The following ADARB2 variants were observed in gnomAD, a reference collection of about 807,000 sequenced individuals.
ADARB2 encodes the protein inactive double-stranded RNA-specific editase B2.
A neutral mutation model predicts 62.2 loss-of-function variants in ADARB2; 25 were observed. The ratio of observed to expected loss-of-function variants is 0.40; its 90% CI spans 0.29 to 0.56. ADARB2 has a LOEUF of 0.56. Ranked by LOEUF, ADARB2 falls within the 20% of genes least tolerant of loss-of-function variation. ADARB2 has a pLI of 0.43. For missense variants in ADARB2, 1,071 were observed against 1,077.4 expected, an observed-to-expected ratio of 0.99 and a Z score of 0.08; for synonymous variants, 572 against 500.8, an observed-to-expected ratio of 1.14 and a Z score of -1.90.
At chr10:1,203,281 T>G (rs1837010783) in intron 7 of ADARB2, among the ~76,000 whole-genome samples, 1 of 152,180 alleles carries the variant, frequency 6.6e-6, no homozygotes. Flanking sequence ...AGCCAGGAGA[T>G]GCAACCTGCT....
intron 1 of ADARB2, among the ~76,000 whole-genome samples, chr10:1,484,345 G>A (rs186216889): frequency 1.1e-3 from 160 of 152,296 alleles, no homozygotes; most frequent in African/African-American, 3.6e-3. Context: ...AAACACTCGC[G>A]TGTGAGAAAC....
chr10:1,210,333 T>C (rs909073356), intron 7 of ADARB2, among the ~76,000 whole-genome samples: 1 of 152,252 alleles, frequency 6.6e-6, no homozygotes, highest in South Asian at 2.1e-4. Context: ...ATTAATCTCA[T>C]GGCTGCTCAA....
At chr10:1,326,099 A>G (rs565762795) in intron 3 of ADARB2, among the ~76,000 whole-genome samples, 4 of 152,224 alleles carry the variant, frequency 2.6e-5, no homozygotes, top group Non-Finnish European at 5.9e-5. Flanking sequence ...AACTGAATGC[A>G]AGTGAATTTG....
rs1830984418 is a variant in ADARB2, at chr10:1,246,136, C to T, written c.1193-3837G>A. On this transcript the variant is annotated intron_variant, in intron 4 of 9. Transcript: ENST00000381312. ...TGTCTTTTGGCTGCATAAATGTCTT[C>T]TTTTGAGAAGTGTCTGTTCATATCC... Among the ~76,000 whole-genome samples the T allele has an allele frequency of 2.6e-5, 4 of 151,932 alleles. 1 individual carries two copies. Among genetic ancestry groups the T allele is most frequent in the Admixed American group, 2.6e-4 (4 of 15,250 alleles).
intron 3 of ADARB2, among the ~76,000 whole-genome samples, chr10:1,337,082 G>GTGTGTGTGTGTA (rs145164849): frequency 0.076 from 11,570 of 151,454 alleles, 677 homozygotes; most frequent in East Asian, 0.18. Flanking sequence ...GTGTGTGTGT[G>GTGTGTGTGTGTA]TGTGTGTGTG....
chr10:1,399,653 C>T (rs1201208261), intron 1 of ADARB2, among the ~76,000 whole-genome samples: 2 of 152,162 alleles, frequency 1.3e-5, no homozygotes, highest in African/African-American at 4.8e-5. Context: ...TGATCACGCC[C>T]TGAGACGCAT....
intron 1 of ADARB2, among the ~76,000 whole-genome samples, chr10:1,725,437 G>C (rs1835151300): frequency 6.6e-6 from 1 of 152,202 alleles, no homozygotes; most frequent in Non-Finnish European, 1.5e-5. Context: ...CACCGCTTCA[G>C]AGTCACATGA....
Position 1,180,955 on chromosome 10 carries a change from A to G in ADARB2, c.*2238T>C, listed in dbSNP as rs556156713. 2 of 151,976 alleles carry G rather than the reference A, an allele frequency of 1.3e-5. No homozygotes were observed. Among genetic ancestry groups the G allele is most frequent in the South Asian group, 2.1e-4 (1 of 4,808 alleles). 9.4% of individuals were successfully genotyped at this position (151,976 alleles called of 1,614,324 possible). A position where few individuals can be genotyped will look rare whatever the true frequency, so the allele number is the denominator to read the frequency against. On this transcript the variant is annotated 3_prime_UTR_variant, in exon 10 of 10. Coordinates refer to ENST00000381312, the MANE Select transcript of ADARB2 (RefSeq NM_018702.4). ...AATGCCTGAGACAAAACGAATCCCA[A>G]CCCCCCAGCTGTGGCTTCATGATGC...
At chr10:1,522,851 G>A (rs1210607314) in intron 1 of ADARB2, among the ~76,000 whole-genome samples, 1 of 152,128 alleles carries the variant, frequency 6.6e-6, no homozygotes, top group East Asian at 1.9e-4. Context: ...CTTCATGCTG[G>A]GCTCCAAGCT....
chr10:1,665,975 G>A (rs763521723), intron 1 of ADARB2, among the ~76,000 whole-genome samples: 4 of 152,098 alleles, frequency 2.6e-5, no homozygotes, highest in Non-Finnish European at 5.9e-5. Flanking sequence ...CCGACATTCA[G>A]GGACCCACAG....
rs1379896189 is a variant in ADARB2 at position 1,426,809 on chromosome 10, A to G, written c.101-47649T>C. 3.9e-5 allele frequency among the ~76,000 whole-genome samples: 6 copies of G among 152,180 alleles called. No homozygotes were observed. In the East Asian group the frequency reaches 7.7e-4, roughly 20 times the overall value. On this transcript the variant is annotated intron_variant, in intron 1 of 9. Transcript: ENST00000381312. This position sits in a 1 kb window ranked among gnomAD's most constrained non-coding sequence, Gnocchi z 4.1. ...CTTACTCCACCACTGCATCCCTTCTATACCCTGCTTCTCCCTTCAGACAAG... is the reference window on the plus strand; with the variant it reads ...CTTACTCCACCACTGCATCCCTTCTGTACCCTGCTTCTCCCTTCAGACAAG...
chr10:1,338,712 C>A (rs571931966), intron 3 of ADARB2, among the ~76,000 whole-genome samples: 1 of 152,194 alleles, frequency 6.6e-6, no homozygotes. Flanking sequence ...GGTCACCCCC[C>A]GACATTTTGG....
chr10:1,536,429 G>A (rs1054993812), intron 1 of ADARB2, among the ~76,000 whole-genome samples: 1 of 152,200 alleles, frequency 6.6e-6, no homozygotes, highest in African/African-American at 2.4e-5. Context: ...TAGCAGCTGA[G>A]TGGGCTAAGA....
At chr10:1,464,501 A>G (rs11250541) in intron 1 of ADARB2, among the ~76,000 whole-genome samples, 3,039 of 40,822 alleles carry the variant, frequency 0.074, 222 homozygotes, top group East Asian at 0.27. Context: ...CAGTCACAGC[A>G]GGCAGCGCGC....
intron 1 of ADARB2, among the ~76,000 whole-genome samples, chr10:1,660,675 A>T (rs1324251428): frequency 6.6e-6 from 1 of 152,176 alleles, no homozygotes; most frequent in Non-Finnish European, 1.5e-5. Context: ...GCAGTAGCAG[A>T]GTTGGATCCA....
intron 3 of ADARB2, among the ~76,000 whole-genome samples, chr10:1,357,746 C>T (rs7901983): frequency 0.95 from 145,076 of 152,200 alleles, 69,468 homozygotes; most frequent in East Asian, 1. Flanking sequence ...TGTAATTGCA[C>T]CATAAAAACA....
rs1422547432 is a variant in ADARB2 at position 1,183,050 on chromosome 10, G to A, written c.*143C>T. ...ACGTTCTGAATTTGTGTTGTTGCTC[G>A]TCCAAACATTGCACACTCGCGTGTT... On this transcript the variant is annotated 3_prime_UTR_variant, in exon 10 of 10. Transcript: ENST00000381312. 9 of 945,842 alleles carry A rather than the reference G, an allele frequency of 9.5e-6. No homozygotes were observed. Among genetic ancestry groups the A allele is most frequent in the African/African-American group, 3.3e-5 (2 of 60,284 alleles). The allele number at this position is 945,842 out of a possible 1,614,324, so 58.6% of individuals were successfully genotyped here.
chr10:1,375,933 T>C (rs1832423102), intron 2 of ADARB2, among the ~76,000 whole-genome samples: 1 of 137,022 alleles, frequency 7.3e-6, no homozygotes, highest in Non-Finnish European at 1.5e-5. Flanking sequence ...TGCACACACG[T>C]GCACAGACAC....
chr10:1,534,137 G>GTTTTTT (rs11431049), intron 1 of ADARB2, among the ~76,000 whole-genome samples: 1 of 137,050 alleles, frequency 7.3e-6, no homozygotes. Flanking sequence ...CATTGAAATA[G>GTTTTTT]TTTTTTTTTT....
Sources: gnomAD v4.1 joint callset for allele counts (sites outside exome capture counted in the v4.1 genomes callset) on GRCh38, gnomAD v4.1.1 for gene constraint, Gnocchi (gnomAD v3.1) non-coding constraint, MANE v1.5 for transcripts, NCBI Gene and HGNC (gene_info 2026-07-23, HGNC 2026-07-21) for gene names.